Variants in SANBR observed in about 807,000 individuals in gnomAD.
SANBR encodes the protein SANT and BTB domain regulator of class switch recombination.
SANBR carries 77 observed loss-of-function variants against 101.8 expected under a neutral mutation model. The ratio of observed to expected loss-of-function variants is 0.76; its 90% confidence interval spans 0.63 to 0.91. The LOEUF (loss-of-function observed/expected upper bound fraction) is 0.91, where lower values mean the gene tolerates loss of function less well. Among genes scored for constraint, SANBR ranks in the 40% least tolerant of loss-of-function variants. The pLI, the probability that SANBR is intolerant of heterozygous loss-of-function variation, is 0.00. For synonymous variants in SANBR, 279 were observed against 274.7 expected, an observed-to-expected ratio of 1.02 and a Z score of -0.15; for missense variants, 875 against 853.0, an observed-to-expected ratio of 1.03 and a Z score of -0.32.
chr2:61,108,420 C>G (rs1253297268), intron 15 of SANBR, 71 bp downstream of exon 15: 1 of 988,928 alleles, frequency 1.0e-6, no homozygotes, highest in Non-Finnish European at 1.5e-6. Flanking sequence ...TTAATAGAAT[C>G]TTATCAGTAT....
At position 61,097,775 on chromosome 2, in the gene SANBR, T is replaced by C; in HGVS notation, c.1288T>C (p.Leu430=). The C allele has an allele frequency of 1.9e-6, 3 of 1,613,276 alleles. No individual in the cohort carries two copies. The highest frequency in any genetic ancestry group is 2.5e-6 in the Non-Finnish European group (3 of 1,179,374). ...GGTTTATCCTACTGCAGCAAGTTCA[T>C]TGAATACTGTTGGCACTGGAATTTA... is the stretch of plus-strand genomic sequence containing the variant. The part of the protein sequence containing the change: ...TVVYPTAASS[L]NTVGTGIYPC... Residue 430 remains leucine, a synonymous_variant, in exon 12 of 22, where the codon TTG becomes CTG. Coordinates refer to ENST00000402291, the MANE Select transcript of SANBR (RefSeq NM_001129993.3).
intron 12 of SANBR, among the ~76,000 whole-genome samples, 157 bp downstream of exon 12, chr2:61,098,009 T>C (rs1012841101): frequency 3.3e-5 from 5 of 151,678 alleles, no homozygotes; most frequent in Non-Finnish European, 5.9e-5. Flanking sequence ...AGATAATCAC[T>C]GTTAATGGTT....
At chr2:61,134,367 G>T in intron 21 of SANBR, 2 of 1,309,472 alleles carry the variant, frequency 1.5e-6, no homozygotes, top group Middle Eastern at 2.3e-4. Context: ...TTTTTGGCTT[G>T]GCTCACGTTA....
At chr2:61,067,467 G>C (rs529584022) in intron 1 of SANBR, among the ~76,000 whole-genome samples, 1 of 152,234 alleles carries the variant, frequency 6.6e-6, no homozygotes, top group Non-Finnish European at 1.5e-5. Flanking sequence ...GCCGGGTGCA[G>C]TGGCTCACGC....
intron 11 of SANBR, among the ~76,000 whole-genome samples, chr2:61,096,176 G>A (rs958323730): frequency 3.3e-5 from 5 of 151,960 alleles, no homozygotes; most frequent in Non-Finnish European, 5.9e-5. Context: ...TAGATAAAAT[G>A]GTTTTACCTT....
intron 7 of SANBR, among the ~76,000 whole-genome samples, chr2:61,082,226 G>A (rs1422617250): frequency 1.3e-5 from 2 of 151,958 alleles, no homozygotes; most frequent in Non-Finnish European, 2.9e-5. Flanking sequence ...ATCAGGGAAG[G>A]GTTACAGAAA....
intron 20 of SANBR, among the ~76,000 whole-genome samples, chr2:61,129,629 A>G (rs1179380123): frequency 6.6e-6 from 1 of 152,176 alleles, no homozygotes; most frequent in Non-Finnish European, 1.5e-5. Context: ...ATATTTGCCA[A>G]TAACAGAACA....
In SANBR at chr2:61,123,582, C is replaced by T. The variant is rs75240087; in HGVS notation, c.*1420C>T. On this transcript the variant is annotated 3_prime_UTR_variant, in exon 22 of 22. Transcript: ENST00000402291. ...TATATGTAAGTACTCTGTTAAATAC[C>T]AGAGTTTTTTTTGTAGTTTACTGTG... The T allele has an allele frequency of 1.0e-6, 1 of 977,216 alleles. No homozygotes were observed. The highest frequency in any genetic ancestry group is 1.8e-5 in the African/African-American group (1 of 57,114). The allele number at this position is 977,216 out of a possible 1,614,324, so 60.5% of individuals were successfully genotyped here.
chr2:61,127,670 A>G (rs186648901), downstream of SANBR, among the ~76,000 whole-genome samples: 20 of 152,316 alleles, frequency 1.3e-4, no homozygotes, highest in Non-Finnish European at 1.6e-4. Context: ...TTCTTTGTCT[A>G]AAAATAACAT....
chr2:61,073,557 C>A lies in SANBR; in HGVS notation c.431+6C>A. 1.3e-6 allele frequency: 2 copies of A among 1,522,016 alleles called. No homozygotes were observed. Among genetic ancestry groups the A allele is most frequent in the Non-Finnish European group, 1.8e-6 (2 of 1,114,926 alleles). 94.3% of individuals were successfully genotyped at this position (1,522,016 alleles called of 1,614,324 possible). A position where few individuals can be genotyped will look rare whatever the true frequency, so the allele number is the denominator to read the frequency against. ...ATGACTGAAGAATCTGAAGGGTAGG[C>A]GGCTGGTTGTTTGCTAGATAAGATT... On this transcript the variant is annotated splice_donor_region_variant and intron_variant, in intron 5 of 21. Transcript: ENST00000402291.
intron 11 of SANBR, among the ~76,000 whole-genome samples, chr2:61,096,048 C>G (rs1048238947): frequency 6.6e-6 from 1 of 152,138 alleles, no homozygotes; most frequent in Admixed American, 6.6e-5. Flanking sequence ...GGTCTTTCTC[C>G]AGTCCCCTGG....
At chr2:61,134,181 C>T (rs1163908302) in exon 21 of SANBR, 1 of 1,613,108 alleles carries the variant, frequency 6.2e-7, no homozygotes, top group Non-Finnish European at 8.5e-7. Flanking sequence ...CTAAGAGCAA[C>T]AGAAAAAGTG....
At chr2:61,125,437 A>G (rs780192266), downstream of SANBR, among the ~76,000 whole-genome samples, 3 of 152,214 alleles carry the variant, frequency 2.0e-5, no homozygotes, top group Non-Finnish European at 2.9e-5. Context: ...ATCATATCAA[A>G]TGTCTTATTT....
At chr2:61,094,234 CT>C (rs1358299397) in intron 11 of SANBR, 2 of 185,396 alleles carry the variant, frequency 1.1e-5, no homozygotes, top group African/African-American at 4.8e-5. Flanking sequence ...GCATGTAACA[CT>C]TCCATCACCC....
chr2:61,122,131 A>G lies in SANBR; in HGVS notation c.2126A>G (p.Lys709Arg), dbSNP rs1470653515. ...TTTCTGTTTAAAAAATCTAGGTCTAAAAGTCGTTTTGGTCAAGGGCGTCCT... is the reference window on the plus strand; with the variant it reads ...TTTCTGTTTAAAAAATCTAGGTCTAGAAGTCGTTTTGGTCAAGGGCGTCCT... ...QSSSEKNTRS[K>R]SRFGQGRPA The change falls in exon 22 of 22, where the codon AAA (lysine) becomes AGA (arginine). Residue 709 changes from lysine to arginine, a missense_variant. Lys to Arg is a conservative substitution (Grantham distance 26, BLOSUM62 2). Transcript: ENST00000402291. 2.6e-6 allele frequency: 4 copies of G among 1,550,632 alleles called. No homozygotes were observed. In the Admixed American group the frequency reaches 5.9e-5, roughly 23 times the overall value.
chr2:61,087,749 G>A (rs1682514102), intron 8 of SANBR, among the ~76,000 whole-genome samples: 1 of 151,946 alleles, frequency 6.6e-6, no homozygotes, highest in Non-Finnish European at 1.5e-5. Flanking sequence ...TACTCGGGAT[G>A]CTCAGGCAGG....
intron 6 of SANBR, among the ~76,000 whole-genome samples, chr2:61,080,979 G>A (rs1682092763): frequency 6.6e-6 from 1 of 151,994 alleles, no homozygotes; most frequent in African/African-American, 2.4e-5. Context: ...TATGCCTTTA[G>A]GAAGTAAGTT....
intron 10 of SANBR, chr2:61,089,151 G>A: frequency 1.0e-6 from 1 of 984,786 alleles, no homozygotes; most frequent in South Asian, 4.7e-5. Flanking sequence ...AAATTTTGGT[G>A]AGGAAAATTG....
At position 61,123,840 on chromosome 2, in the gene SANBR, C is replaced by T. The variant is rs1684429343; in HGVS notation, c.*1678C>T. On this transcript the variant is annotated 3_prime_UTR_variant, in exon 22 of 22. Transcript: ENST00000402291. ...GGTGTAGTGGCTCACGCCAGTAATC[C>T]CAGCACTTTGGGAGGCCGAGGCGGG... is the stretch of plus-strand genomic sequence containing the variant. The T allele has an allele frequency of 3.1e-6, 3 of 971,134 alleles. No homozygotes were observed. The South Asian group carries it at 1.4e-4, about 46-fold the overall frequency. The allele number at this position is 971,134 out of a possible 1,614,324, so 60.2% of individuals were successfully genotyped here. A position where few individuals can be genotyped will look rare whatever the true frequency, so the allele number is the denominator to read the frequency against.
Sources: gnomAD v4.1 joint callset for allele counts (sites outside exome capture counted in the v4.1 genomes callset) on GRCh38, gnomAD v4.1.1 for gene constraint, MANE v1.5 for transcripts, NCBI Gene and HGNC (gene_info 2026-07-23, HGNC 2026-07-21) for gene names.